The following ATP2B2 variants were observed in gnomAD, a reference collection of about 807,000 sequenced individuals.
ATP2B2 encodes the protein plasma membrane calcium-transporting ATPase 2.
Under a neutral mutation model 120.0 loss-of-function variants are expected in ATP2B2, and 15 were observed. The observed-to-expected ratio is 0.12, with a 90% CI of 0.08 to 0.19. ATP2B2 has a LOEUF of 0.19. Among genes scored for constraint, ATP2B2 ranks in the 10% least tolerant of loss-of-function variants. The pLI is 1.00. For synonymous variants in ATP2B2, 694 were observed against 700.3 expected (o/e 0.99, Z 0.14); for missense variants, 1,045 against 1,719.8 (o/e 0.61, Z 6.94).
chr3:10,424,184 C>A (rs1291592706), intron 2 of ATP2B2, among the ~76,000 whole-genome samples: 4 of 152,186 alleles, frequency 2.6e-5, no homozygotes, highest in Non-Finnish European at 5.9e-5. Context: ...ATTCTCCTGG[C>A]CATTCTGTAA....
At chr3:10,460,935 G>GGATATTACTTTT (rs1431481971) in intron 1 of ATP2B2, among the ~76,000 whole-genome samples, 1 of 152,122 alleles carries the variant, frequency 6.6e-6, no homozygotes, top group Non-Finnish European at 1.5e-5. Flanking sequence ...GAGGTGCCAG[G>GGATATTACTTTT]GGATGTGTCT....
chr3:10,681,374 C>G (rs2071379427), intron 1 of ATP2B2, among the ~76,000 whole-genome samples: 1 of 152,214 alleles, frequency 6.6e-6, no homozygotes, highest in Non-Finnish European at 1.5e-5. Context: ...GTGCTGGGAA[C>G]CTCCTCGTTT....
intron 1 of ATP2B2, among the ~76,000 whole-genome samples, chr3:10,479,034 T>C (rs144412535): frequency 9.2e-4 from 140 of 152,302 alleles, no homozygotes; most frequent in African/African-American, 2.6e-3. Context: ...TCCACCCTGA[T>C]TGTAAGTTTC....
chr3:10,684,051 G>A (rs139916469), intron 1 of ATP2B2, among the ~76,000 whole-genome samples: 1 of 152,104 alleles, frequency 6.6e-6, no homozygotes, highest in Non-Finnish European at 1.5e-5. Flanking sequence ...CCCATCCAAT[G>A]GGGCTTGAGT....
chr3:10,651,243 G>A (rs2070452977), intron 1 of ATP2B2, among the ~76,000 whole-genome samples: 2 of 152,246 alleles, frequency 1.3e-5, no homozygotes, highest in South Asian at 4.2e-4. Context: ...GATTAGGGAG[G>A]GGCCAGATGT....
intron 1 of ATP2B2, among the ~76,000 whole-genome samples, chr3:10,621,241 C>T (rs1344812286): frequency 6.6e-6 from 1 of 152,188 alleles, no homozygotes; most frequent in East Asian, 1.9e-4. Flanking sequence ...CACTGTTGAG[C>T]CAGCCTGTCC....
chr3:10,705,534 GC>G (rs1304294600), intron 1 of ATP2B2, among the ~76,000 whole-genome samples: 1 of 152,194 alleles, frequency 6.6e-6, no homozygotes, highest in Non-Finnish European at 1.5e-5. Flanking sequence ...TTGTGCTACT[GC>G]CTACAAGTCC....
intron 17 of ATP2B2, 48 bp downstream of exon 17, chr3:10,345,983 A>G (rs765281034): frequency 1.9e-6 from 3 of 1,553,438 alleles, no homozygotes; most frequent in Non-Finnish European, 1.7e-6. Flanking sequence ...TGTGTAGTCC[A>G]ATCTCCCCAG....
intron 1 of ATP2B2, among the ~76,000 whole-genome samples, chr3:10,668,383 G>T (rs2071003204): frequency 6.6e-6 from 1 of 152,214 alleles, no homozygotes; most frequent in Non-Finnish European, 1.5e-5. Flanking sequence ...CCGTGCTTGA[G>T]AAGTGAAATC....
At chr3:10,391,817 C>T (rs571481143) in intron 5 of ATP2B2, among the ~76,000 whole-genome samples, 14 of 152,334 alleles carry the variant, frequency 9.2e-5, no homozygotes, top group Non-Finnish European at 1.9e-4. Context: ...GAGGTCCAAA[C>T]CACTCAGTCA....
At chr3:10,683,580 T>G (rs988176828) in intron 1 of ATP2B2, among the ~76,000 whole-genome samples, 1 of 151,696 alleles carries the variant, frequency 6.6e-6, no homozygotes, top group Non-Finnish European at 1.5e-5. Flanking sequence ...GCAATGAAAC[T>G]ATCACTGCCA....
chr3:10,533,725 G>A (rs184102838), intron 3 of ATP2B2, among the ~76,000 whole-genome samples: 10 of 152,318 alleles, frequency 6.6e-5, no homozygotes, highest in Admixed American at 2.0e-4. Flanking sequence ...TGTCAGATCC[G>A]CCTGGGCTCC....
chr3:10,550,568 C>T (rs1022163118), intron 2 of ATP2B2, among the ~76,000 whole-genome samples: 103 of 152,256 alleles, frequency 6.8e-4, no homozygotes, highest in African/African-American at 2.4e-3. Flanking sequence ...AACATTTCTC[C>T]CTTCCAGCAG....
chr3:10,612,390 G>A (rs1031459643), intron 2 of ATP2B2, among the ~76,000 whole-genome samples: 1 of 152,086 alleles, frequency 6.6e-6, no homozygotes, highest in Admixed American at 6.5e-5. Context: ...TTGGCCTGTA[G>A]AAGCATTTGA....
rs1333577834 is a variant in ATP2B2, at chr3:10,385,177, A to G, written c.1000+91T>C. The stretch of plus-strand genomic sequence containing the variant: ...GCCCATGCACATCCGAGATCTGTGC[A>G]GTCCAGAACAAGGAAAGAAAGCCCA... On this transcript the variant is annotated intron_variant, in intron 8 of 22. Coordinates refer to ENST00000360273, the MANE Select transcript of ATP2B2 (RefSeq NM_001001331.4). The G allele has an allele frequency of 6.3e-6, 8 of 1,274,462 alleles. No homozygotes were observed. In the African/African-American group the frequency reaches 1.2e-4, roughly 19 times the overall value. The allele number at this position is 1,274,462 out of a possible 1,614,324, so 78.9% of individuals were successfully genotyped here.
chr3:10,524,429 G>C (rs537992162), intron 3 of ATP2B2, among the ~76,000 whole-genome samples: 24 of 152,276 alleles, frequency 1.6e-4, no homozygotes, highest in African/African-American at 5.8e-4. Context: ...GGCACAGAGA[G>C]GTTAACTCAC....
intron 1 of ATP2B2, among the ~76,000 whole-genome samples, chr3:10,667,727 A>G (rs1027325965): frequency 6.6e-6 from 1 of 152,030 alleles, no homozygotes; most frequent in Non-Finnish European, 1.5e-5. Context: ...AGACCCCTTC[A>G]ACCCCAGATC....
chr3:10,663,115 AT>A (rs529268764), intron 1 of ATP2B2, among the ~76,000 whole-genome samples: 1,391 of 128,800 alleles, frequency 0.011, 23 homozygotes, highest in Middle Eastern at 0.06. Context: ...GGGGGGAGGG[AT>A]AGCATTAGGA....
At chr3:10,437,688 G>A (rs2063521982) in intron 2 of ATP2B2, among the ~76,000 whole-genome samples, 1 of 152,226 alleles carries the variant, frequency 6.6e-6, no homozygotes. Flanking sequence ...ATGTCAGAGT[G>A]TTCTGGGCTG....
Sources: allele counts gnomAD v4.1 joint callset (sites outside exome capture counted in the v4.1 genomes callset), GRCh38; gene constraint gnomAD v4.1.1; transcripts MANE v1.5; gene names NCBI Gene and HGNC (gene_info 2026-07-23, HGNC 2026-07-21).